Variants in LRRC75A observed in about 807,000 individuals in gnomAD.
LRRC75A encodes leucine-rich repeat-containing protein 75A.
Under a neutral mutation model 26.0 loss-of-function variants are expected in LRRC75A, and 12 were observed. The ratio of observed to expected loss-of-function variants is 0.46; its 90% CI spans 0.30 to 0.75. The LOEUF (loss-of-function observed/expected upper bound fraction) is 0.75, where lower values mean the gene tolerates loss of function less well. Among genes scored for constraint, LRRC75A ranks in the 30% least tolerant of loss-of-function variants. LRRC75A has a pLI of 0.08. For synonymous variants in LRRC75A, 223 were observed against 219.3 expected, an observed-to-expected ratio of 1.02 and a Z score of -0.15; for missense variants, 410 against 486.6, an observed-to-expected ratio of 0.84 and a Z score of 1.48.
At position 16,442,609 on chromosome 17, in the gene LRRC75A, CCA is replaced by C. The variant is rs2093541042; in HGVS notation, c.*977_*978del. The C allele has an allele frequency of 6.6e-6, 1 of 152,258 alleles. No individual in the cohort carries two copies. The highest frequency in any genetic ancestry group is 2.4e-5 in the African/African-American group (1 of 41,438). 9.4% of individuals were successfully genotyped at this position (152,258 alleles called of 1,614,324 possible). Reference sequence around the variant, plus strand: ...CTCCCCAGCCATCTTGTTGGATCTGCCAAGGGATTGGACTCCTTCATTGTCCT... The same window carrying C: ...CTCCCCAGCCATCTTGTTGGATCTGCAGGGATTGGACTCCTTCATTGTCCT... On this transcript the variant is annotated 3_prime_UTR_variant, in exon 4 of 4. Coordinates refer to ENST00000470794, the MANE Select transcript of LRRC75A (RefSeq NM_001113567.3).
intron 1 of LRRC75A, among the ~76,000 whole-genome samples, chr17:16,465,173 C>T (rs2093758499): frequency 6.6e-6 from 1 of 152,218 alleles, no homozygotes; most frequent in African/African-American, 2.4e-5. Flanking sequence ...GCCTCTATGC[C>T]TCCTCTGCTT....
rs1364610555 is a variant in LRRC75A at position 16,441,787 on chromosome 17, C to T, written c.*1801G>A. On this transcript the variant is annotated 3_prime_UTR_variant, in exon 4 of 4. Coordinates refer to ENST00000470794, the MANE Select transcript of LRRC75A (RefSeq NM_001113567.3). Reference sequence around the variant, plus strand: ...CCCAGGCTGGTCTCAGGCTCCTGGGCTCAGATGGTCCTCCTGCCTCAGCTT... The same window carrying T: ...CCCAGGCTGGTCTCAGGCTCCTGGGTTCAGATGGTCCTCCTGCCTCAGCTT... 5.2e-6 allele frequency: 1 copy of T among 192,210 alleles called. No individual in the cohort carries two copies. Among genetic ancestry groups the T allele is most frequent in the Non-Finnish European group, 1.1e-5 (1 of 90,530 alleles). The allele number at this position is 192,210 out of a possible 1,614,324, so 11.9% of individuals were successfully genotyped here.
chr17:16,491,734 C>T lies in LRRC75A; in HGVS notation c.246+11G>A, dbSNP rs2093857879. On this transcript the variant is annotated intron_variant, in intron 1 of 3. Transcript: ENST00000470794. This position sits in a 1 kb window ranked among gnomAD's most constrained non-coding sequence, Gnocchi z 5.9. ...CCCGGCGCGCCCCCCGCGCCCCCTC[C>T]CCGCGCTCACCTGGCGCAGGTGCTG... is the stretch of plus-strand genomic sequence containing the variant. The T allele has an allele frequency of 1.5e-6, 2 of 1,350,644 alleles. No homozygotes were observed. Among genetic ancestry groups the T allele is most frequent in the African/African-American group, 1.5e-5 (1 of 65,124 alleles). The allele number at this position is 1,350,644 out of a possible 1,614,324, so 83.7% of individuals were successfully genotyped here.
intron 2 of LRRC75A, among the ~76,000 whole-genome samples, chr17:16,456,205 AG>A: frequency 1.8e-5 from 1 of 56,884 alleles, no homozygotes; most frequent in African/African-American, 7.3e-5. Flanking sequence ...GAGGAGGAAG[AG>A]GAGGAGGAAG....
chr17:16,492,036 C>T lies in LRRC75A; in HGVS notation c.-46G>A, dbSNP rs2143471395. On this transcript the variant is annotated 5_prime_UTR_variant, in exon 1 of 4. Transcript: ENST00000470794. Reference sequence around the variant, plus strand: ...CTCTCCGCTCTGGGCCGCGAGGCCGCGTCCCCGCCAACCGCCCGCCCCTCG... The same window carrying T: ...CTCTCCGCTCTGGGCCGCGAGGCCGTGTCCCCGCCAACCGCCCGCCCCTCG... 1.8e-6 allele frequency: 2 copies of T among 1,114,754 alleles called. No homozygotes were observed. The highest frequency in any genetic ancestry group is 1.0e-4 in the East Asian group (2 of 19,394). The allele number at this position is 1,114,754 out of a possible 1,614,324, so 69.1% of individuals were successfully genotyped here.
At position 16,492,101 on chromosome 17, in the gene LRRC75A, G is replaced by C. The variant is rs1347926209; in HGVS notation, c.-111C>G. Reference sequence around the variant, plus strand: ...CTCGCCTCCCGGGCTGCAACTTTGGGGGAACTGTTGCGCGCGGGCGTCGCG... The same window carrying C: ...CTCGCCTCCCGGGCTGCAACTTTGGCGGAACTGTTGCGCGCGGGCGTCGCG... On this transcript the variant is annotated 5_prime_UTR_variant, in exon 1 of 4. Transcript: ENST00000470794. The C allele has an allele frequency of 1.0e-6, 1 of 968,004 alleles. No individual in the cohort carries two copies. Among genetic ancestry groups the C allele is most frequent in the Admixed American group, 5.7e-5 (1 of 17,526 alleles). The allele number at this position is 968,004 out of a possible 1,614,324, so 60.0% of individuals were successfully genotyped here.
At chr17:16,457,567 T>G (rs2093695004) in intron 2 of LRRC75A, among the ~76,000 whole-genome samples, 1 of 152,226 alleles carries the variant, frequency 6.6e-6, no homozygotes, top group Non-Finnish European at 1.5e-5. Flanking sequence ...TCTGTGCCCC[T>G]GTGTAATGTC....
intron 1 of LRRC75A, among the ~76,000 whole-genome samples, chr17:16,469,487 G>T (rs1239117498): frequency 1.3e-5 from 2 of 152,140 alleles, no homozygotes; most frequent in Middle Eastern, 3.2e-3. Context: ...TCTCAAAGAG[G>T]CCAAGATCTA....
At chr17:16,453,884 C>T (rs1240130371) in intron 2 of LRRC75A, among the ~76,000 whole-genome samples, 1 of 152,094 alleles carries the variant, frequency 6.6e-6, no homozygotes, top group Non-Finnish European at 1.5e-5. Flanking sequence ...ACCCCTCTCC[C>T]TCAAAGCAAG....
intron 1 of LRRC75A, among the ~76,000 whole-genome samples, chr17:16,484,641 C>T (rs981909398): frequency 1.3e-5 from 2 of 152,146 alleles, no homozygotes; most frequent in Non-Finnish European, 2.9e-5. Context: ...CAAGAGTCTG[C>T]TTCTCACCCA....
intron 3 of LRRC75A, among the ~76,000 whole-genome samples, chr17:16,444,431 G>A (rs1056977567): frequency 6.6e-6 from 1 of 152,232 alleles, no homozygotes; most frequent in Non-Finnish European, 1.5e-5. Flanking sequence ...AAGTTCATAA[G>A]TGCAAAATGG....
At chr17:16,461,509 A>G (rs1460070314) in intron 2 of LRRC75A, among the ~76,000 whole-genome samples, 2 of 152,258 alleles carry the variant, frequency 1.3e-5, no homozygotes, top group Non-Finnish European at 2.9e-5. Context: ...CTGGAGCTGC[A>G]GGAACATGGC....
chr17:16,481,059 C>T (rs570620480), intron 1 of LRRC75A, among the ~76,000 whole-genome samples: 2 of 152,366 alleles, frequency 1.3e-5, no homozygotes, highest in South Asian at 2.1e-4. Context: ...CCAAAGGAGC[C>T]GTGGAACCCC....
chr17:16,486,635 C>T (rs1228076891), intron 1 of LRRC75A, among the ~76,000 whole-genome samples: 1 of 152,218 alleles, frequency 6.6e-6, no homozygotes, highest in Non-Finnish European at 1.5e-5. Flanking sequence ...GCTCCCCTCC[C>T]GCCACCTCGG....
intron 3 of LRRC75A, among the ~76,000 whole-genome samples, chr17:16,445,474 G>A (rs967241813): frequency 1.1e-4 from 16 of 151,890 alleles, no homozygotes; most frequent in African/African-American, 2.2e-4. Flanking sequence ...CCCATTTTCC[G>A]CATTTCTAAG....
Position 16,443,666 on chromosome 17 carries a change from C to G in LRRC75A, c.957G>C (p.Glu319Asp), listed in dbSNP as rs542961813. Residue 319 changes from glutamate to aspartate, a missense_variant, in exon 4 of 4, where the codon GAG becomes GAC. Physicochemically the swap from Glu to Asp is conservative, Grantham distance 45. Coordinates refer to ENST00000470794, the MANE Select transcript of LRRC75A (RefSeq NM_001113567.3). ...GTGCCACAGGGCCCCCTCCAGGGTC[C>G]TCCTGGCCTACTGTCCCTTCCCGGA... is the stretch of plus-strand genomic sequence containing the variant. ...EEVREGTVGQ[E>D]DPGGGPVAPA... 6.3e-7 allele frequency: 1 copy of G among 1,581,314 alleles called. No homozygotes were observed. Among genetic ancestry groups the G allele is most frequent in the African/African-American group, 1.3e-5 (1 of 74,100 alleles).
intron 1 of LRRC75A, among the ~76,000 whole-genome samples, chr17:16,473,418 A>T (rs2093812390): frequency 6.6e-6 from 1 of 151,886 alleles, no homozygotes; most frequent in African/African-American, 2.4e-5. Context: ...AGTCCTGCTG[A>T]TGTCTAAGGT....
intron 2 of LRRC75A, among the ~76,000 whole-genome samples, chr17:16,454,784 C>T (rs2093663285): frequency 6.6e-6 from 1 of 151,922 alleles, no homozygotes. Context: ...GGTTTGGGGT[C>T]TTCATTTCTT....
At chr17:16,456,743 A>G (rs8064519) in intron 2 of LRRC75A, among the ~76,000 whole-genome samples, 58,734 of 152,106 alleles carry the variant, frequency 0.39, 11,665 homozygotes, top group African/African-American at 0.42. Flanking sequence ...GCCCGTGGGC[A>G]CCACAAGACA....
Sources: gnomAD v4.1 joint callset for allele counts (sites outside exome capture counted in the v4.1 genomes callset) on GRCh38, gnomAD v4.1.1 for gene constraint, Gnocchi (gnomAD v3.1) non-coding constraint, MANE v1.5 for transcripts, NCBI Gene and HGNC (gene_info 2026-07-23, HGNC 2026-07-21) for gene names.